Variants in NEO1 observed in about 807,000 individuals in gnomAD.
NEO1 encodes neogenin 1.
NEO1 carries 63 observed loss-of-function variants against 159.7 expected under a neutral mutation model. That is an observed-to-expected ratio of 0.39 (90% confidence interval 0.32 to 0.49). The LOEUF (loss-of-function observed/expected upper bound fraction) is 0.49, where lower values mean the gene tolerates loss of function less well. Ranked by LOEUF, NEO1 falls within the 20% of genes least tolerant of loss-of-function variation. The probability of loss-of-function intolerance (pLI) is 0.85; values close to 1 mark genes in which losing one functional copy is unlikely to be tolerated. For missense variants in NEO1, 1,615 were observed against 1,831.0 expected (o/e 0.88, Z 2.15); for synonymous variants, 633 against 662.0 (o/e 0.96, Z 0.67).
intron 7 of NEO1, among the ~76,000 whole-genome samples, chr15:73,193,907 A>C (rs535593943): frequency 1.3e-5 from 2 of 152,134 alleles, no homozygotes; most frequent in African/African-American, 4.8e-5. Flanking sequence ...GCCTAGAAGG[A>C]TGGATGGGAT....
intron 18 of NEO1, among the ~76,000 whole-genome samples, chr15:73,271,906 C>CAAAAAA (rs57979197): frequency 2.2e-5 from 2 of 92,536 alleles, no homozygotes; most frequent in Non-Finnish European, 4.6e-5. Context: ...GACTCCATCT[C>CAAAAAA]AAAAAAAAAA....
intron 7 of NEO1, among the ~76,000 whole-genome samples, chr15:73,185,980 C>G (rs1267543991): frequency 6.6e-6 from 1 of 151,448 alleles, no homozygotes; most frequent in Non-Finnish European, 1.5e-5. Context: ...CTCAGACAAC[C>G]CCCAAGCAAA....
chr15:73,098,944 A>G (rs1567189875), intron 1 of NEO1, among the ~76,000 whole-genome samples: 1 of 152,198 alleles, frequency 6.6e-6, no homozygotes, highest in Admixed American at 6.5e-5. Flanking sequence ...TAGGTGAGCA[A>G]TTGTATCTCA....
At chr15:73,124,733 C>T (rs1289558781) in intron 3 of NEO1, among the ~76,000 whole-genome samples, 1 of 152,110 alleles carries the variant, frequency 6.6e-6, no homozygotes, top group Non-Finnish European at 1.5e-5. Flanking sequence ...TCTCCTTCTA[C>T]CTTCATTTTA....
chr15:73,089,737 T>C (rs547348431), intron 1 of NEO1, among the ~76,000 whole-genome samples: 1 of 152,308 alleles, frequency 6.6e-6, no homozygotes, highest in South Asian at 2.1e-4. Flanking sequence ...TAGGTGGTGA[T>C]ATTTATCAAA....
rs999236487 is a variant in NEO1, at chr15:73,116,948, A to G, written c.448+91A>G. The G allele has an allele frequency of 1.6e-5, 16 of 1,019,568 alleles. No homozygotes were observed. The African/African-American group carries it at 2.1e-4, about 14-fold the overall frequency. 63.2% of individuals were successfully genotyped at this position (1,019,568 alleles called of 1,614,324 possible). A position where few individuals can be genotyped will look rare whatever the true frequency, so the allele number is the denominator to read the frequency against. The stretch of plus-strand genomic sequence containing the variant: ...ACTGTTCTCTTGGAGTTTTCTTTTA[A>G]TTAGTAGCAACAAATATACTCATTT... On this transcript the variant is annotated intron_variant, in intron 2 of 28. Transcript: ENST00000261908.
Position 73,270,348 on chromosome 15 carries a change from G to T in NEO1, c.2751G>T (p.Val917=). The T allele has an allele frequency of 6.2e-7, 1 of 1,614,102 alleles. No homozygotes were observed. The highest frequency in any genetic ancestry group is 1.1e-5 in the South Asian group (1 of 91,058). Residue 917 remains valine (V), a synonymous_variant, in exon 18 of 29, where the codon GTG becomes GTT. Coordinates refer to ENST00000261908, the MANE Select transcript of NEO1 (RefSeq NM_002499.4). Reference sequence around the variant, plus strand: ...ATGCAACCACTTTGAGTTATTTGGTGACTGGTTTAAAGCCGAATACACTCT... The same window carrying T: ...ATGCAACCACTTTGAGTTATTTGGTTACTGGTTTAAAGCCGAATACACTCT... ...NANATTLSYL[V]TGLKPNTLYE...
At chr15:73,126,863 T>C (rs1377072705) in intron 4 of NEO1, among the ~76,000 whole-genome samples, 1 of 152,218 alleles carries the variant, frequency 6.6e-6, no homozygotes, top group Admixed American at 6.5e-5. Flanking sequence ...AGAGCTTTGG[T>C]CCTGAGTAGC....
intron 1 of NEO1, among the ~76,000 whole-genome samples, chr15:73,075,242 G>A (rs2068714407): frequency 6.6e-6 from 1 of 152,128 alleles, no homozygotes; most frequent in Non-Finnish European, 1.5e-5. Context: ...AGGGATTTTT[G>A]TGGGGGCGGG....
chr15:73,232,930 T>A (rs955695539), intron 7 of NEO1, among the ~76,000 whole-genome samples: 1 of 152,222 alleles, frequency 6.6e-6, no homozygotes, highest in Non-Finnish European at 1.5e-5. Context: ...ACACTGTTTG[T>A]GTGTGAAGTC....
chr15:73,241,999 G>A (rs1239717932), intron 8 of NEO1, among the ~76,000 whole-genome samples: 1 of 152,128 alleles, frequency 6.6e-6, no homozygotes, highest in East Asian at 1.9e-4. Flanking sequence ...TTCATTCAAT[G>A]TATGTTTGGG....
intron 25 of NEO1, among the ~76,000 whole-genome samples, 193 bp downstream of exon 25, chr15:73,289,431 G>A (rs550337937): frequency 6.6e-6 from 1 of 152,132 alleles, no homozygotes; most frequent in Non-Finnish European, 1.5e-5. Flanking sequence ...GGCTAGCGTC[G>A]TTATGTTTAT....
chr15:73,121,373 T>G (rs1003603656), intron 2 of NEO1, among the ~76,000 whole-genome samples: 5 of 152,182 alleles, frequency 3.3e-5, no homozygotes, highest in African/African-American at 1.2e-4. Flanking sequence ...TCCTCATTTT[T>G]GGGAGAAATA....
Position 73,244,369 on chromosome 15 carries a change from C to T in NEO1, c.1477C>T (p.Pro493Ser). ...ARERVENTSH[P>S]GEMQVTIQNL... ...GGAACGTGTTGAGAATACCAGTCAC[C>T]CAGGAGAGATGCAAGTAACCATTCA... is the stretch of plus-strand genomic sequence containing the variant. The change falls in exon 9 of 29, where the codon CCA becomes TCA. Residue 493 changes from proline (P) to serine (S), a missense_variant. Physicochemically the swap from Pro to Ser is moderately conservative, Grantham distance 74. This residue lies in a region of NEO1 where 1,018 missense variants were observed against 1,115.4 expected (regional missense o/e 0.91). Transcript: ENST00000261908. 6.2e-7 allele frequency: 1 copy of T among 1,613,632 alleles called. No individual in the cohort carries two copies. The highest frequency in any genetic ancestry group is 8.5e-7 in the Non-Finnish European group (1 of 1,179,758).
At chr15:73,245,578 C>CT (rs1228513120) in intron 9 of NEO1, among the ~76,000 whole-genome samples, 1,514 of 142,534 alleles carry the variant, frequency 0.011, 21 homozygotes, top group African/African-American at 0.03. Flanking sequence ...TCAGTGTATT[C>CT]TTTTTTTTTT....
At chr15:73,196,542 C>T (rs2036542030) in intron 7 of NEO1, among the ~76,000 whole-genome samples, 1 of 152,244 alleles carries the variant, frequency 6.6e-6, no homozygotes, top group Non-Finnish European at 1.5e-5. Flanking sequence ...ATACTCAAAA[C>T]ATGTAGCCTT....
At chr15:73,096,718 A>G (rs1314893461) in intron 1 of NEO1, among the ~76,000 whole-genome samples, 2 of 152,118 alleles carry the variant, frequency 1.3e-5, no homozygotes, top group Non-Finnish European at 2.9e-5. Flanking sequence ...ACTTTGTGAG[A>G]GTTTTGATGG....
intron 4 of NEO1, among the ~76,000 whole-genome samples, chr15:73,133,333 G>A (rs560766389): frequency 1.2e-4 from 19 of 152,272 alleles, no homozygotes; most frequent in Non-Finnish European, 2.5e-4. Context: ...TCACTCATAA[G>A]TGGGAGCTAA....
chr15:73,176,871 T>C (rs927034604), intron 6 of NEO1, among the ~76,000 whole-genome samples: 15 of 152,166 alleles, frequency 9.9e-5, no homozygotes, highest in African/African-American at 3.6e-4. Context: ...CACATGTGTG[T>C]GCGTGTATGT....
Sources: allele counts gnomAD v4.1 joint callset (sites outside exome capture counted in the v4.1 genomes callset), GRCh38; gene constraint gnomAD v4.1.1; regional missense constraint gnomAD v4.1.1; transcripts MANE v1.5; gene names NCBI Gene and HGNC (gene_info 2026-07-23, HGNC 2026-07-21).